Variants in NTN1 observed in about 807,000 individuals in gnomAD.
NTN1 encodes the protein netrin 1, also known as netrin-1.
A neutral mutation model predicts 54.2 loss-of-function variants in NTN1; 11 were observed. The ratio of observed to expected loss-of-function variants is 0.20; its 90% CI spans 0.13 to 0.34. NTN1 has a LOEUF of 0.34. Ranked by LOEUF, NTN1 falls within the 10% of genes least tolerant of loss-of-function variation. NTN1 has a pLI of 1.00. For synonymous variants in NTN1, 371 were observed against 382.0 expected (o/e 0.97, Z 0.33); for missense variants, 740 against 893.1 (o/e 0.83, Z 2.18).
chr17:9,158,847 G>A (rs749705115), intron 2 of NTN1, among the ~76,000 whole-genome samples: 4 of 152,204 alleles, frequency 2.6e-5, no homozygotes, highest in African/African-American at 4.8e-5. Context: ...CAGTTAGCAA[G>A]GTTCTGGGAC....
intron 2 of NTN1, among the ~76,000 whole-genome samples, chr17:9,111,659 A>G (rs1321962187): frequency 6.6e-6 from 1 of 152,238 alleles, no homozygotes; most frequent in Admixed American, 6.5e-5. Context: ...AGGCTTACTG[A>G]TAACATCGAC....
chr17:9,088,765 G>A (rs1209248509), intron 2 of NTN1, among the ~76,000 whole-genome samples: 1 of 152,170 alleles, frequency 6.6e-6, no homozygotes, highest in Non-Finnish European at 1.5e-5. Flanking sequence ...GAGCTGGCTG[G>A]AAGCATGCAT....
intron 2 of NTN1, among the ~76,000 whole-genome samples, chr17:9,145,241 C>G (rs145729631): frequency 1.3e-5 from 2 of 152,194 alleles, no homozygotes; most frequent in African/African-American, 4.8e-5. Context: ...AAATGTGGGG[C>G]GTTCACATGT....
intron 2 of NTN1, among the ~76,000 whole-genome samples, chr17:9,030,340 AC>A (rs2151509429): frequency 6.6e-6 from 1 of 152,276 alleles, no homozygotes; most frequent in Admixed American, 6.5e-5. Context: ...TGTCAGGACC[AC>A]CCCCAGCAAT....
intron 2 of NTN1, among the ~76,000 whole-genome samples, chr17:9,033,644 A>G (rs2091894273): frequency 6.6e-6 from 1 of 152,074 alleles, no homozygotes; most frequent in African/African-American, 2.4e-5. Flanking sequence ...TTGGCTGGGC[A>G]TGGTGGCTCA....
At chr17:9,174,717 C>T (rs1242962103) in intron 3 of NTN1, 1 of 152,288 alleles carries the variant, frequency 6.6e-6, no homozygotes, top group East Asian at 1.9e-4. Flanking sequence ...TTTAAAGCCC[C>T]TATGTCCAAA....
chr17:9,126,786 G>A (rs897142822), intron 2 of NTN1, among the ~76,000 whole-genome samples: 1 of 152,106 alleles, frequency 6.6e-6, no homozygotes, highest in Non-Finnish European at 1.5e-5. Flanking sequence ...ACTGGGAGTC[G>A]TGGCCTTGAG....
intron 2 of NTN1, among the ~76,000 whole-genome samples, chr17:9,142,436 A>G (rs1397059429): frequency 2.0e-5 from 3 of 152,166 alleles, no homozygotes; most frequent in South Asian, 4.1e-4. Flanking sequence ...CCATGCCTTC[A>G]CCAGGAGGCT....
chr17:9,021,801 C>T (rs1181997755), intron 1 of NTN1, among the ~76,000 whole-genome samples: 2 of 151,972 alleles, frequency 1.3e-5, no homozygotes, highest in East Asian at 3.9e-4. Context: ...GAGAGGCTCT[C>T]CGGCGACCGG....
chr17:9,084,873 G>C (rs546282594), intron 2 of NTN1, among the ~76,000 whole-genome samples: 10 of 151,812 alleles, frequency 6.6e-5, no homozygotes, highest in African/African-American at 2.2e-4. Context: ...GGATGGTCTC[G>C]ATCTCCTGAC....
At chr17:9,007,100 TTTC>T in the NTN1 span, among the ~76,000 whole-genome samples, 1 of 152,206 alleles carries the variant, frequency 6.6e-6, no homozygotes. Context: ...ACTCCATTGT[TTTC>T]TTTTCTTTTC....
chr17:9,116,559 A>G (rs967174467), intron 2 of NTN1, among the ~76,000 whole-genome samples: 1 of 152,120 alleles, frequency 6.6e-6, no homozygotes, highest in African/African-American at 2.4e-5. Context: ...AAAGCTTAAA[A>G]TCCCAGGGCT....
intron 2 of NTN1, among the ~76,000 whole-genome samples, chr17:9,103,021 G>A (rs1020815344): frequency 1.3e-5 from 2 of 152,158 alleles, no homozygotes; most frequent in Non-Finnish European, 2.9e-5. Flanking sequence ...GAGTGTGGGG[G>A]GATAGTGTTC....
intron 2 of NTN1, among the ~76,000 whole-genome samples, chr17:9,112,234 T>C (rs946704625): frequency 9.9e-5 from 15 of 152,220 alleles, no homozygotes; most frequent in Admixed American, 9.2e-4. Flanking sequence ...TCCTGCCTTT[T>C]TGAAGATAAG....
chr17:9,224,615 C>T (rs1413557964), intron 6 of NTN1, among the ~76,000 whole-genome samples: 2 of 152,244 alleles, frequency 1.3e-5, no homozygotes, highest in African/African-American at 4.8e-5. Context: ...CCACAGCAGC[C>T]TTCCTTGAGT....
chr17:9,239,625 T>C lies in NTN1; in HGVS notation c.1487-15T>C, dbSNP rs780095624. 3 of 1,599,580 alleles carry C rather than the reference T, an allele frequency of 1.9e-6. No individual in the cohort carries two copies. The highest frequency in any genetic ancestry group is 1.1e-5 in the South Asian group (1 of 90,692). On this transcript the variant is annotated splice_polypyrimidine_tract_variant and intron_variant, in intron 6 of 6. Transcript: ENST00000173229. The surrounding 1 kb of genome is among the most constrained non-coding windows in gnomAD (Gnocchi z 5.2). ...GCAGCTGGGAGCCCACCCGTCTGCCTGTGCTTCCTTGCAGCCGTCCAGATC... is the reference window on the plus strand; with the variant it reads ...GCAGCTGGGAGCCCACCCGTCTGCCCGTGCTTCCTTGCAGCCGTCCAGATC...
chr17:9,197,919 A>C (rs572012001), intron 5 of NTN1, among the ~76,000 whole-genome samples: 1 of 152,196 alleles, frequency 6.6e-6, no homozygotes, highest in Non-Finnish European at 1.5e-5. Context: ...AGTAGCTTCT[A>C]TCTTCACCAG....
chr17:9,123,303 T>G (rs2092236749), intron 2 of NTN1, among the ~76,000 whole-genome samples: 1 of 152,240 alleles, frequency 6.6e-6, no homozygotes, highest in African/African-American at 2.4e-5. Context: ...TGAACATTTT[T>G]CACAAGTTTA....
chr17:9,022,173 G>A, intron 1 of NTN1, 138 bp from the exon 2 acceptor site: 1 of 534,642 alleles, frequency 1.9e-6, no homozygotes, highest in East Asian at 3.7e-5. Context: ...GCGGGACTTT[G>A]GGGGAGAGAG....
Sources: allele counts gnomAD v4.1 joint callset (sites outside exome capture counted in the v4.1 genomes callset), GRCh38; gene constraint gnomAD v4.1.1; non-coding constraint Gnocchi (gnomAD v3.1); transcripts MANE v1.5; gene names NCBI Gene and HGNC (gene_info 2026-07-23, HGNC 2026-07-21).